Variants in PREP observed in about 807,000 individuals in gnomAD.
PREP encodes prolyl endopeptidase, also known as dJ355L5.1 (prolyl endopeptidase).
In PREP, 29 loss-of-function variants were observed where a neutral mutation model predicts 87.6. That is an observed-to-expected ratio of 0.33 (90% confidence interval 0.25 to 0.45). The LOEUF is 0.45. PREP is among the 20% of genes least tolerant of loss of function. The pLI, the probability that PREP is intolerant of heterozygous loss-of-function variation, is 1.00. For synonymous variants in PREP, 337 were observed against 328.6 expected (o/e 1.03, Z -0.28); for missense variants, 695 against 886.5 (o/e 0.78, Z 2.74).
intron 10 of PREP, among the ~76,000 whole-genome samples, chr6:105,316,794 T>C (rs1174327603): frequency 6.6e-6 from 1 of 152,114 alleles, no homozygotes; most frequent in African/African-American, 2.4e-5. Flanking sequence ...ATCATAAAAA[T>C]ATAAATTTGT....
chr6:105,393,087 T>C (rs556380562), intron 2 of PREP, among the ~76,000 whole-genome samples: 1 of 152,322 alleles, frequency 6.6e-6, no homozygotes, highest in Non-Finnish European at 1.5e-5. Context: ...AGCATGAACA[T>C]TTTCTATTCA....
intron 7 of PREP, among the ~76,000 whole-genome samples, chr6:105,338,937 T>C (rs886765871): frequency 1.2e-4 from 18 of 152,194 alleles, no homozygotes; most frequent in African/African-American, 4.3e-4. Context: ...GGCCTGCTTC[T>C]GTAGACTCCA....
rs185243799 is a variant in PREP at position 105,372,547 on chromosome 6, A to C, written c.595+822T>G. Among the ~76,000 whole-genome samples, 4 of 152,358 alleles carry C rather than the reference A, an allele frequency of 2.6e-5. No homozygotes were observed. The East Asian group carries it at 7.7e-4, about 29-fold the overall frequency. ...TGGGAAAATTTAGAAGTGAAGGAGC[A>C]AAGAGGGAGGAACCCCTTGAACACA... is the stretch of plus-strand genomic sequence containing the variant. On this transcript the variant is annotated intron_variant, in intron 5 of 14. Coordinates refer to ENST00000652536, the MANE Select transcript of PREP (RefSeq NM_002726.5).
At chr6:105,367,298 AAC>A (rs1008216234) in intron 6 of PREP, among the ~76,000 whole-genome samples, 1 of 152,224 alleles carries the variant, frequency 6.6e-6, no homozygotes, top group African/African-American at 2.4e-5. Flanking sequence ...ACTTGGCAGA[AAC>A]AGTCTCCAAA....
rs1193130606 is a variant in PREP at position 105,323,781 on chromosome 6, A to G, written c.1214-13T>C. On this transcript the variant is annotated splice_polypyrimidine_tract_variant and intron_variant, in intron 9 of 14. Coordinates refer to ENST00000652536, the MANE Select transcript of PREP (RefSeq NM_002726.5). ...TGATAAATGATACCTAAAAAGTAGA[A>G]TAAGGCTTGGTTTAGTCTACGGGAC... 28 of 1,596,950 alleles carry G rather than the reference A, an allele frequency of 1.8e-5. No individual in the cohort carries two copies. The highest frequency in any genetic ancestry group is 6.7e-5 in the East Asian group (3 of 44,816).
chr6:105,321,460 C>T lies in PREP; in HGVS notation c.1317+2205G>A, dbSNP rs541751403. Among the ~76,000 whole-genome samples the T allele has an allele frequency of 3.9e-5, 6 of 152,352 alleles. No homozygotes were observed. The South Asian group carries it at 1.2e-3, about 32-fold the overall frequency. On this transcript the variant is annotated intron_variant, in intron 10 of 14. Transcript: ENST00000652536. Reference sequence around the variant, plus strand: ...GAAGCGCATGTTCTCCACGGTTTAACCTGGACATTCCAGGCTGCTATGTAT... The same window carrying T: ...GAAGCGCATGTTCTCCACGGTTTAATCTGGACATTCCAGGCTGCTATGTAT...
intron 7 of PREP, among the ~76,000 whole-genome samples, chr6:105,349,411 T>C (rs1456621774): frequency 6.6e-6 from 1 of 152,254 alleles, no homozygotes; most frequent in Non-Finnish European, 1.5e-5. Context: ...AGATATTTTC[T>C]ATCCTGCTAA....
rs1271925290 is a variant in PREP, at chr6:105,345,593, C to CT, written c.823+7378dup. On this transcript the variant is annotated intron_variant, in intron 7 of 14. Coordinates refer to ENST00000652536, the MANE Select transcript of PREP (RefSeq NM_002726.5). Reference sequence around the variant, plus strand: ...AGTGCTTTTATACTTTACAAAAACTCTAAGGGCTGGACATGTCACGACAAC... The same window carrying CT: ...AGTGCTTTTATACTTTACAAAAACTCTTAAGGGCTGGACATGTCACGACAAC... Among the ~76,000 whole-genome samples the CT allele has an allele frequency of 4.6e-5, 7 of 152,314 alleles. No individual in the cohort carries two copies. In the East Asian group the frequency reaches 1.3e-3, roughly 29 times the overall value.
chr6:105,339,216 GC>G (rs1018231739), intron 7 of PREP, among the ~76,000 whole-genome samples: 1 of 152,172 alleles, frequency 6.6e-6, no homozygotes, highest in Non-Finnish European at 1.5e-5. Context: ...AGCAACATTC[GC>G]CATTCTGCAA....
intron 7 of PREP, among the ~76,000 whole-genome samples, chr6:105,340,321 C>A (rs1771607866): frequency 6.6e-6 from 1 of 152,130 alleles, no homozygotes; most frequent in Non-Finnish European, 1.5e-5. Flanking sequence ...GAAAGAAAAT[C>A]CTTTACAGAC....
intron 7 of PREP, among the ~76,000 whole-genome samples, chr6:105,343,685 T>TCAAA (rs201016042): frequency 0.37 from 56,081 of 151,608 alleles, 14,816 homozygotes; most frequent in African/African-American, 0.76. Flanking sequence ...AATAAAAAAA[T>TCAAA]CAACCCCATC....
At chr6:105,346,609 T>C (rs982168357) in intron 7 of PREP, among the ~76,000 whole-genome samples, 3 of 152,244 alleles carry the variant, frequency 2.0e-5, no homozygotes, top group African/African-American at 7.2e-5. Context: ...GAAATCAGCA[T>C]GTCACCACCA....
At chr6:105,323,905 A>T (rs1771082553) in intron 9 of PREP, 137 bp from the exon 10 acceptor site, 2 of 729,650 alleles carry the variant, frequency 2.7e-6, no homozygotes, top group Admixed American at 4.4e-5. Flanking sequence ...TCCCCACCAC[A>T]GTCGAAGGCT....
intron 10 of PREP, among the ~76,000 whole-genome samples, chr6:105,316,391 G>A (rs963227664): frequency 3.9e-5 from 6 of 152,304 alleles, no homozygotes; most frequent in South Asian, 2.1e-4. Context: ...TTCTATGAGC[G>A]CATTTGTGAT....
At chr6:105,341,350 A>G (rs1771643897) in intron 7 of PREP, among the ~76,000 whole-genome samples, 1 of 152,238 alleles carries the variant, frequency 6.6e-6, no homozygotes, top group African/African-American at 2.4e-5. Context: ...GAGAACAAAG[A>G]CACAACGTAG....
chr6:105,383,184 T>A (rs1028658169), intron 2 of PREP, among the ~76,000 whole-genome samples: 1 of 145,350 alleles, frequency 6.9e-6, no homozygotes, highest in African/African-American at 2.6e-5. Flanking sequence ...CGTCCAGAAA[T>A]GGAAACAATA....
chr6:105,402,908 G>C lies in PREP; in HGVS notation c.-17C>G, dbSNP rs201163350. The stretch of plus-strand genomic sequence containing the variant: ...GGACAGCATGGCCGGGGACAGGCAG[G>C]GGGCAGCGTGGAGGGGCGCGGGCTC... On this transcript the variant is annotated 5_prime_UTR_variant, in exon 1 of 15. Coordinates refer to ENST00000652536, the MANE Select transcript of PREP (RefSeq NM_002726.5). 5.3e-4 allele frequency: 775 copies of C among 1,466,136 alleles called. 2 individuals carry two copies. The African/African-American group carries it at 9.2e-3, about 17-fold the overall frequency. 90.8% of individuals were successfully genotyped at this position (1,466,136 alleles called of 1,614,324 possible). A position where few individuals can be genotyped will look rare whatever the true frequency, so the allele number is the denominator to read the frequency against.
chr6:105,330,137 A>T (rs1284727389), intron 8 of PREP, among the ~76,000 whole-genome samples: 1 of 152,258 alleles, frequency 6.6e-6, no homozygotes, highest in Non-Finnish European at 1.5e-5. Context: ...CTGATAGGCC[A>T]TCCAGTGAGC....
chr6:105,333,264 T>C, intron 8 of PREP, 50 bp downstream of exon 8: 1 of 1,532,698 alleles, frequency 6.5e-7, no homozygotes, highest in Non-Finnish European at 9.0e-7. Flanking sequence ...AACTTGTTGA[T>C]GTTCTCATCA....
Sources: gnomAD v4.1 joint callset for allele counts (sites outside exome capture counted in the v4.1 genomes callset) on GRCh38, gnomAD v4.1.1 for gene constraint, MANE v1.5 for transcripts, NCBI Gene and HGNC (gene_info 2026-07-23, HGNC 2026-07-21) for gene names.